Variants in VPS35L observed in about 807,000 individuals in gnomAD.
VPS35L encodes VPS35 endosomal protein-sorting factor-like.
Under a neutral mutation model 133.0 loss-of-function variants are expected in VPS35L, and 83 were observed. That is an observed-to-expected ratio of 0.62 (90% CI 0.52 to 0.75). The LOEUF (loss-of-function observed/expected upper bound fraction) is 0.75, where lower values mean the gene tolerates loss of function less well. VPS35L is among the 30% of genes least tolerant of loss of function. The probability of loss-of-function intolerance (pLI) is 0.00; values close to 1 mark genes in which losing one functional copy is unlikely to be tolerated. For synonymous variants in VPS35L, 423 were observed against 449.9 expected, an observed-to-expected ratio of 0.94 and a Z score of 0.76; for missense variants, 1,083 against 1,206.8, an observed-to-expected ratio of 0.90 and a Z score of 1.52.
In VPS35L at chr16:19,609,030, C is replaced by T; in HGVS notation, c.929+9C>T. ...AAATTCCTCTCCAAAACGTAAGGCTCTTCGGTAAAATCTAGAACCATAAAA... is the reference window on the plus strand; with the variant it reads ...AAATTCCTCTCCAAAACGTAAGGCTTTTCGGTAAAATCTAGAACCATAAAA... On this transcript the variant is annotated intron_variant, in intron 11 of 30. Coordinates refer to ENST00000417362, the MANE Select transcript of VPS35L (RefSeq NM_020314.7). The T allele has an allele frequency of 3.1e-6, 5 of 1,612,296 alleles. No homozygotes were observed. The highest frequency in any genetic ancestry group is 4.2e-6 in the Non-Finnish European group (5 of 1,178,476).
intron 14 of VPS35L, among the ~76,000 whole-genome samples, chr16:19,620,483 G>GT (rs888874798): frequency 6.6e-6 from 1 of 151,944 alleles, no homozygotes; most frequent in Non-Finnish European, 1.5e-5. Context: ...TCTCTCTACT[G>GT]TTTTTTTCAA....
intron 26 of VPS35L, among the ~76,000 whole-genome samples, chr16:19,666,106 A>G (rs1974655522): frequency 6.6e-6 from 1 of 151,964 alleles, no homozygotes; most frequent in African/African-American, 2.4e-5. Context: ...TAGTTTGCAA[A>G]TATTTTCTCC....
intron 14 of VPS35L, among the ~76,000 whole-genome samples, chr16:19,620,999 AC>A (rs1481101614): frequency 6.6e-6 from 1 of 152,114 alleles, no homozygotes. Flanking sequence ...TAAACAGAAA[AC>A]AAAAACAGAC....
At chr16:19,592,837 C>A (rs1972087721) in intron 8 of VPS35L, among the ~76,000 whole-genome samples, 1 of 152,068 alleles carries the variant, frequency 6.6e-6, no homozygotes. Context: ...AGGCACGCAC[C>A]ACCACGCCTA....
intron 28 of VPS35L, among the ~76,000 whole-genome samples, chr16:19,685,146 C>T (rs181800178): frequency 6.6e-6 from 1 of 152,192 alleles, no homozygotes; most frequent in Admixed American, 6.5e-5. Context: ...AAAGTGAACA[C>T]TCGCAGGTAA....
chr16:19,555,713 G>T lies in VPS35L; in HGVS notation c.-17G>T. 1 of 1,603,848 alleles carries T rather than the reference G, an allele frequency of 6.2e-7. No homozygotes were observed. The highest frequency in any genetic ancestry group is 8.5e-7 in the Non-Finnish European group (1 of 1,175,070). On this transcript the variant is annotated 5_prime_UTR_variant, in exon 1 of 31. Transcript: ENST00000417362. ...CGAGCAGACGGCCCCAGAACAAGCG[G>T]TCATGTGACTGGGAAGATGGCCGTC...
At chr16:19,559,439 G>A (rs1481842675) in intron 1 of VPS35L, among the ~76,000 whole-genome samples, 1 of 152,122 alleles carries the variant, frequency 6.6e-6, no homozygotes, top group South Asian at 2.1e-4. Flanking sequence ...TTACATTACT[G>A]GGGGTTGGAA....
intron 29 of VPS35L, among the ~76,000 whole-genome samples, chr16:19,697,630 A>G (rs1975961395): frequency 6.6e-6 from 1 of 152,002 alleles, no homozygotes; most frequent in Non-Finnish European, 1.5e-5. Flanking sequence ...GGATGGATAG[A>G]CGGTTGATAA....
At chr16:19,589,356 A>G (rs1008983785) in intron 7 of VPS35L, among the ~76,000 whole-genome samples, 1 of 151,978 alleles carries the variant, frequency 6.6e-6, no homozygotes, top group African/African-American at 2.4e-5. Context: ...TGATTCTCCC[A>G]CCTCAGCCTC....
At chr16:19,576,605 G>A (rs1971547098) in intron 5 of VPS35L, among the ~76,000 whole-genome samples, 1 of 152,174 alleles carries the variant, frequency 6.6e-6, no homozygotes, top group African/African-American at 2.4e-5. Context: ...GTGCTGCTGG[G>A]TGCAGATGAG....
Position 19,669,180 on chromosome 16 carries a change from G to T in VPS35L, c.2242G>T (p.Ala748Ser), listed in dbSNP as rs771602358. 8 of 1,607,058 alleles carry T rather than the reference G, an allele frequency of 5.0e-6. 1 individual carries two copies. The South Asian group carries it at 5.5e-5, about 11-fold the overall frequency. ...LSQADAFFKAAISLVPEVPKM... is the reference protein window; with the variant it reads ...LSQADAFFKASISLVPEVPKM... ...TGCAGCTGATGCTTTTTTCAAAGCCGCTATAAGCCTTGTTCCGGAAGTTCC... is the reference window on the plus strand; with the variant it reads ...TGCAGCTGATGCTTTTTTCAAAGCCTCTATAAGCCTTGTTCCGGAAGTTCC... Residue 748 changes from alanine to serine, a missense_variant, in exon 27 of 31, where the codon GCT becomes TCT. Coordinates refer to ENST00000417362, the MANE Select transcript of VPS35L (RefSeq NM_020314.7).
chr16:19,628,025 T>C (rs776700456), intron 16 of VPS35L, among the ~76,000 whole-genome samples: 31 of 152,172 alleles, frequency 2.0e-4, no homozygotes, highest in African/African-American at 3.1e-4. Flanking sequence ...ATCTATCAGA[T>C]TGGCTCACTA....
chr16:19,694,492 T>TC (rs1975831767), intron 29 of VPS35L: 1 of 152,052 alleles, frequency 6.6e-6, no homozygotes, highest in Non-Finnish European at 1.5e-5. Context: ...TCTTTTCTTT[T>TC]TTTTTTTTTC....
rs200134970 is a variant in VPS35L at position 19,598,821 on chromosome 16, A to AT, written c.725-2835dup. Among the ~76,000 whole-genome samples the AT allele has an allele frequency of 3.5e-4, 53 of 151,896 alleles. No individual in the cohort carries two copies. The East Asian group carries it at 7.5e-3, about 22-fold the overall frequency. On this transcript the variant is annotated intron_variant, in intron 8 of 30. Coordinates refer to ENST00000417362, the MANE Select transcript of VPS35L (RefSeq NM_020314.7). ...AAGTGAAAAAGAATGTGGAGATGAA[A>AT]TTTTTTTTAAAAAAAAGAAAGCTAG...
intron 24 of VPS35L, 104 bp downstream of exon 24, chr16:19,647,986 C>T: frequency 9.3e-7 from 1 of 1,075,114 alleles, no homozygotes; most frequent in Admixed American, 1.9e-5. Flanking sequence ...CAGGGTCTCA[C>T]TCTGTCACCC....
At chr16:19,577,741 A>G (rs1176262641) in intron 5 of VPS35L, among the ~76,000 whole-genome samples, 4 of 152,030 alleles carry the variant, frequency 2.6e-5, no homozygotes, top group African/African-American at 7.2e-5. Context: ...ACCCTCATGA[A>G]TGGGATTAGT....
At chr16:19,632,415 T>C (rs993432340) in intron 18 of VPS35L, among the ~76,000 whole-genome samples, 1 of 152,240 alleles carries the variant, frequency 6.6e-6, no homozygotes, top group Non-Finnish European at 1.5e-5. Flanking sequence ...GTATAAGTTC[T>C]CTCTCAAACT....
At chr16:19,632,871 T>A (rs1038218662) in intron 18 of VPS35L, among the ~76,000 whole-genome samples, 1 of 152,250 alleles carries the variant, frequency 6.6e-6, no homozygotes, top group East Asian at 1.9e-4. Flanking sequence ...CCCAGAACTT[T>A]TGAGAAGAGC....
intron 1 of VPS35L, among the ~76,000 whole-genome samples, chr16:19,559,840 C>T (rs1404108890): frequency 6.6e-6 from 1 of 152,004 alleles, no homozygotes; most frequent in African/African-American, 2.4e-5. Context: ...GTGTGTGTGA[C>T]CATGCCTGGC....
Sources: gnomAD v4.1 joint callset for allele counts (sites outside exome capture counted in the v4.1 genomes callset) on GRCh38, gnomAD v4.1.1 for gene constraint, MANE v1.5 for transcripts, NCBI Gene and HGNC (gene_info 2026-07-23, HGNC 2026-07-21) for gene names.